Variants in OLA1 observed in about 807,000 individuals in gnomAD.
The protein encoded by OLA1 is Obg like ATPase 1.
OLA1 carries 14 observed loss-of-function variants against 48.4 expected under a neutral mutation model. The ratio of observed to expected loss-of-function variants is 0.29; its 90% CI spans 0.19 to 0.45. The LOEUF is 0.45. OLA1 is among the 20% of genes least tolerant of loss of function. The probability of loss-of-function intolerance (pLI) is 1.00; values close to 1 mark genes in which losing one functional copy is unlikely to be tolerated. For synonymous variants in OLA1, 127 were observed against 150.4 expected (o/e 0.84, Z 1.14); for missense variants, 325 against 467.1 (o/e 0.70, Z 2.80).
chr2:174,126,330 A>T (rs572211478), intron 5 of OLA1, among the ~76,000 whole-genome samples: 1 of 152,222 alleles, frequency 6.6e-6, no homozygotes, highest in East Asian at 1.9e-4. Context: ...GAGCTTGGTT[A>T]ACTGGAAAAA....
At chr2:174,143,614 A>T (rs1212592477) in intron 4 of OLA1, among the ~76,000 whole-genome samples, 1 of 152,232 alleles carries the variant, frequency 6.6e-6, no homozygotes, top group Non-Finnish European at 1.5e-5. Context: ...CAGTAAATGC[A>T]TTAGCAGGTT....
At chr2:174,100,657 C>T (rs1342606157) in intron 7 of OLA1, among the ~76,000 whole-genome samples, 1 of 152,182 alleles carries the variant, frequency 6.6e-6, no homozygotes, top group Non-Finnish European at 1.5e-5. Flanking sequence ...ATCCCCGCCT[C>T]AGCCTCCAGA....
At chr2:174,100,695 T>C (rs1483694325) in intron 7 of OLA1, among the ~76,000 whole-genome samples, 1 of 152,194 alleles carries the variant, frequency 6.6e-6, no homozygotes, top group African/African-American at 2.4e-5. Context: ...GAGGTAGAAT[T>C]AACAAATAAT....
At position 174,079,086 on chromosome 2, in the gene OLA1, C is replaced by A; in HGVS notation, c.971G>T (p.Gly324Val). 1 of 1,582,764 alleles carries A rather than the reference C, an allele frequency of 6.3e-7. No homozygotes were observed. Among genetic ancestry groups the A allele is most frequent in the African/African-American group, 1.4e-5 (1 of 72,862 alleles). Residue 324 changes from glycine (G) to valine (V), a missense_variant, in exon 10 of 11, where the codon GGG (glycine) becomes GTG (valine). By Grantham distance (109) the Gly-to-Val change is moderately radical. Transcript: ENST00000284719. ...DEVRAWTIRK[G>V]TKAPQAAGKI... ...TCCTGCAGCCTGAGGAGCCTTAGTC[C>A]CTTTCTTTGAAAAGAAAGACCAGAG...
At chr2:174,212,192 G>T (rs1688260403) in intron 4 of OLA1, among the ~76,000 whole-genome samples, 1 of 152,136 alleles carries the variant, frequency 6.6e-6, no homozygotes, top group African/African-American at 2.4e-5. Flanking sequence ...AGGCTAAATG[G>T]TATAGCCTAT....
intron 4 of OLA1, among the ~76,000 whole-genome samples, chr2:174,215,861 C>T (rs1287906145): frequency 6.6e-6 from 1 of 152,194 alleles, no homozygotes; most frequent in Non-Finnish European, 1.5e-5. Flanking sequence ...TCCAAGTATC[C>T]TTATCTTAAA....
At position 174,123,296 on chromosome 2, in the gene OLA1, A is replaced by G; in HGVS notation, c.631-19T>C. On this transcript the variant is annotated intron_variant, in intron 6 of 10. Coordinates refer to ENST00000284719, the MANE Select transcript of OLA1 (RefSeq NM_013341.5). ...CTTCAATCTAAAGTGGGAGATGGAG[A>G]AAGAATCCCTTTTAAAAGTTTAGTA... 1.7e-6 allele frequency: 2 copies of G among 1,187,944 alleles called. No individual in the cohort carries two copies. The highest frequency in any genetic ancestry group is 2.4e-6 in the Non-Finnish European group (2 of 832,130). 73.6% of individuals were successfully genotyped at this position (1,187,944 alleles called of 1,614,324 possible). A position where few individuals can be genotyped will look rare whatever the true frequency, so the allele number is the denominator to read the frequency against.
At chr2:174,193,091 CTTT>C (rs34103927) in intron 4 of OLA1, among the ~76,000 whole-genome samples, 3 of 137,918 alleles carry the variant, frequency 2.2e-5, no homozygotes, top group Non-Finnish European at 3.1e-5. Flanking sequence ...TTCTTTCTTT[CTTT>C]TTTTTTTTTT....
At position 174,082,004 on chromosome 2, in the gene OLA1, A is replaced by G. The variant is rs779779938; in HGVS notation, c.789T>C (p.Phe263=). 1 of 1,613,472 alleles carries G rather than the reference A, an allele frequency of 6.2e-7. No individual in the cohort carries two copies. The change falls in exon 8 of 11, where the codon TTT becomes TTC. Residue 263 remains phenylalanine, a synonymous_variant. Coordinates refer to ENST00000284719, the MANE Select transcript of OLA1 (RefSeq NM_013341.5). ...KYDPGALVIP[F]SGALELKLQE... is the part of the protein sequence containing the mutation. Reference sequence around the variant, plus strand: ...GCAACTTGAGTTCCAAGGCCCCACTAAAAGGAATGACCAAAGCACCTGGGT... The same window carrying G: ...GCAACTTGAGTTCCAAGGCCCCACTGAAAGGAATGACCAAAGCACCTGGGT...
chr2:174,110,618 T>C (rs2105358790), intron 7 of OLA1, among the ~76,000 whole-genome samples: 1 of 152,152 alleles, frequency 6.6e-6, no homozygotes, highest in Non-Finnish European at 1.5e-5. Context: ...CTAATTTCTT[T>C]TTAATTTCTG....
intron 4 of OLA1, among the ~76,000 whole-genome samples, chr2:174,198,643 T>C (rs922773130): frequency 6.6e-6 from 1 of 152,072 alleles, no homozygotes; most frequent in African/African-American, 2.4e-5. Flanking sequence ...TAGCCGGGTA[T>C]GGCAGTGGGC....
rs371385479 is a variant in OLA1, at chr2:174,214,163, T to C, written c.373+8870A>G. On this transcript the variant is annotated intron_variant, in intron 4 of 10. Transcript: ENST00000284719. ...GCCTGGCCAACATGGTAAAACCCCGTCTCTACTAAAAATTCAAAAATTGGC... is the reference window on the plus strand; with the variant it reads ...GCCTGGCCAACATGGTAAAACCCCGCCTCTACTAAAAATTCAAAAATTGGC... 2.6e-4 allele frequency among the ~76,000 whole-genome samples: 40 copies of C among 151,964 alleles called. No homozygotes were observed. The East Asian group carries it at 5.8e-3, about 22-fold the overall frequency.
intron 4 of OLA1, among the ~76,000 whole-genome samples, chr2:174,217,137 T>C (rs1023958756): frequency 6.6e-6 from 1 of 152,208 alleles, no homozygotes; most frequent in African/African-American, 2.4e-5. Context: ...AAGACTGATG[T>C]ATCAGAGAGA....
intron 4 of OLA1, among the ~76,000 whole-genome samples, chr2:174,221,593 T>A (rs1163321971): frequency 6.6e-6 from 1 of 152,202 alleles, no homozygotes; most frequent in Non-Finnish European, 1.5e-5. Flanking sequence ...CTTGCCCCGA[T>A]CCTTCTGTCA....
chr2:174,108,174 GGTT>G (rs1407253896), intron 7 of OLA1, among the ~76,000 whole-genome samples: 1 of 151,980 alleles, frequency 6.6e-6, no homozygotes, highest in East Asian at 1.9e-4. Context: ...TCAGTGATTT[GGTT>G]TTTTTGGAAA....
intron 2 of OLA1, among the ~76,000 whole-genome samples, chr2:174,239,893 C>T (rs1252260275): frequency 7.1e-6 from 1 of 141,574 alleles, no homozygotes; most frequent in East Asian, 2.0e-4. Context: ...GACTCTATCT[C>T]AAAAAAAAAA....
chr2:174,123,854 T>C (rs941230763), intron 5 of OLA1, among the ~76,000 whole-genome samples, 179 bp from the exon 6 acceptor site: 1 of 152,124 alleles, frequency 6.6e-6, no homozygotes, highest in Non-Finnish European at 1.5e-5. Context: ...TAAAACATTG[T>C]GGCATTAAAT....
chr2:174,197,701 T>C (rs1367959447), intron 4 of OLA1, among the ~76,000 whole-genome samples: 1 of 152,134 alleles, frequency 6.6e-6, no homozygotes, highest in Non-Finnish European at 1.5e-5. Context: ...TGAAGAGGGA[T>C]GGAATTAAGC....
In OLA1 at chr2:174,200,398, T is replaced by C. The variant is rs139842387; in HGVS notation, c.373+22635A>G. 3.2e-3 allele frequency among the ~76,000 whole-genome samples: 486 copies of C among 152,028 alleles called. 1 individual carries two copies. The highest frequency in any genetic ancestry group is 0.011 in the African/African-American group (462 of 41,386). On this transcript the variant is annotated intron_variant, in intron 4 of 10. Coordinates refer to ENST00000284719, the MANE Select transcript of OLA1 (RefSeq NM_013341.5). ...CTAGGAGCTACAAAGGATAGTTGAG[T>C]GAGAAAGATTATAGCAGTTAGAAAA...
Sources: gnomAD v4.1 joint callset for allele counts (sites outside exome capture counted in the v4.1 genomes callset) on GRCh38, gnomAD v4.1.1 for gene constraint, MANE v1.5 for transcripts, NCBI Gene and HGNC (gene_info 2026-07-23, HGNC 2026-07-21) for gene names.